Variants in ASTN2 observed in about 807,000 individuals in gnomAD.
The protein encoded by ASTN2 is astrotactin 2, also known as astrotactin-2.
In ASTN2, 54 loss-of-function variants were observed where a neutral mutation model predicts 139.8. The ratio of observed to expected loss-of-function variants is 0.39; its 90% CI spans 0.31 to 0.48. The LOEUF (loss-of-function observed/expected upper bound fraction) is 0.48, where lower values mean the gene tolerates loss of function less well. ASTN2 is among the 20% of genes least tolerant of loss of function. The pLI is 0.95. For synonymous variants in ASTN2, 756 were observed against 719.5 expected (o/e 1.05, Z -0.81); for missense variants, 1,565 against 1,725.1 (o/e 0.91, Z 1.64).
intron 3 of ASTN2, among the ~76,000 whole-genome samples, chr9:117,171,251 T>C (rs1830786321): frequency 6.6e-6 from 1 of 152,186 alleles, no homozygotes; most frequent in Non-Finnish European, 1.5e-5. Context: ...TTTGCAGGTA[T>C]GCAATGCCTC....
chr9:116,641,014 T>C (rs1857300990), intron 17 of ASTN2, among the ~76,000 whole-genome samples: 1 of 152,252 alleles, frequency 6.6e-6, no homozygotes, highest in Admixed American at 6.5e-5. Context: ...GCTGACTCCT[T>C]GGTTTCAGGA....
chr9:116,581,177 A>C (rs1418059065), intron 19 of ASTN2, among the ~76,000 whole-genome samples: 2 of 152,104 alleles, frequency 1.3e-5, no homozygotes, highest in Non-Finnish European at 2.9e-5. Flanking sequence ...AGAGTCAGGG[A>C]AACAAAAAGA....
At chr9:117,103,847 A>C (rs1829039872) in intron 4 of ASTN2, among the ~76,000 whole-genome samples, 1 of 152,206 alleles carries the variant, frequency 6.6e-6, no homozygotes, top group African/African-American at 2.4e-5. Context: ...AGAAGTGGGT[A>C]AACTTCCCAC....
intron 16 of ASTN2, among the ~76,000 whole-genome samples, chr9:116,674,158 C>G (rs180778615): frequency 5.5e-4 from 83 of 152,248 alleles, no homozygotes; most frequent in African/African-American, 1.8e-3. Context: ...AAGATGCTGA[C>G]CCTCCCTAAA....
chr9:117,212,906 C>CAT (rs1303870131), intron 3 of ASTN2, among the ~76,000 whole-genome samples: 1 of 152,086 alleles, frequency 6.6e-6, no homozygotes, highest in Non-Finnish European at 1.5e-5. Context: ...AAAGAACTAC[C>CAT]ATATATCTAG....
chr9:116,869,300 C>T (rs531905677), intron 10 of ASTN2, among the ~76,000 whole-genome samples: 3 of 152,328 alleles, frequency 2.0e-5, no homozygotes, highest in South Asian at 2.1e-4. Context: ...AATAAGGCCA[C>T]GTTCTGAATT....
At chr9:116,793,527 C>A (rs1315326662) in intron 13 of ASTN2, among the ~76,000 whole-genome samples, 2 of 152,178 alleles carry the variant, frequency 1.3e-5, no homozygotes, top group Non-Finnish European at 2.9e-5. Context: ...AACAGTATGG[C>A]TGGCTATCTA....
Position 116,597,299 on chromosome 9 carries a change from A to ATTTTTTTTTTTTTT in ASTN2, c.3355+21011_3355+21024dup, listed in dbSNP as rs757848093. 2.8e-3 allele frequency among the ~76,000 whole-genome samples: 208 copies of ATTTTTTTTTTTTTT among 75,368 alleles called. 19 individuals carry two copies. The highest frequency in any genetic ancestry group is 3.9e-3 in the Non-Finnish European group (159 of 40,812). 49.4% of individuals were successfully genotyped at this position (75,368 alleles called of 152,430 possible). A position where few individuals can be genotyped will look rare whatever the true frequency, so the allele number is the denominator to read the frequency against. ...CAAAATATTCCATGACTTTTGATCT[A>ATTTTTTTTTTTTTT]TTTTTTTTTTTTTTTTTTTTTTTTG... On this transcript the variant is annotated intron_variant, in intron 19 of 22. Coordinates refer to ENST00000313400, the MANE Select transcript of ASTN2 (RefSeq NM_001365068.1).
chr9:117,413,321 A>C (rs1831222129), intron 1 of ASTN2, among the ~76,000 whole-genome samples: 1 of 152,354 alleles, frequency 6.6e-6, no homozygotes, highest in East Asian at 1.9e-4. Flanking sequence ...TCTCACCTGG[A>C]AGGCCCCTCA....
At chr9:117,290,958 T>C (rs75415856) in intron 2 of ASTN2, among the ~76,000 whole-genome samples, 1,641 of 152,308 alleles carry the variant, frequency 0.011, 32 homozygotes, top group African/African-American at 0.037. Flanking sequence ...ATTTTGTTTG[T>C]TCAGTCATTC....
At position 116,686,730 on chromosome 9, in the gene ASTN2, A is replaced by C. The variant is rs1182602634; in HGVS notation, c.2807-34937T>G. On this transcript the variant is annotated intron_variant, in intron 16 of 22. Transcript: ENST00000313400. The stretch of plus-strand genomic sequence containing the variant: ...TGCAGGGACAGGGGCTGCAGAGTGT[A>C]CTCCCCAAGTCTGCCTCTGCTGTCG... 2.6e-6 allele frequency: 4 copies of C among 1,550,204 alleles called. No individual in the cohort carries two copies. The East Asian group carries it at 9.8e-5, about 38-fold the overall frequency.
Position 116,863,575 on chromosome 9 carries a change from G to C in ASTN2, c.2040+8C>G. The C allele has an allele frequency of 6.2e-7, 1 of 1,613,518 alleles. No individual in the cohort carries two copies. The highest frequency in any genetic ancestry group is 1.1e-5 in the South Asian group (1 of 90,978). ...CACTGCCATGTTCCCGGGCCAATGG[G>C]CACTTACCACACATCCCGAGGAATC... On this transcript the variant is annotated splice_region_variant and intron_variant, in intron 11 of 22. Coordinates refer to ENST00000313400, the MANE Select transcript of ASTN2 (RefSeq NM_001365068.1).
intron 11 of ASTN2, among the ~76,000 whole-genome samples, chr9:116,830,073 A>G (rs1013052413): frequency 1.3e-5 from 2 of 152,248 alleles, no homozygotes; most frequent in African/African-American, 2.4e-5. Context: ...AAATATTCAC[A>G]GATTGTGCAC....
At chr9:117,089,291 A>G (rs1390282055) in intron 5 of ASTN2, among the ~76,000 whole-genome samples, 1 of 152,104 alleles carries the variant, frequency 6.6e-6, no homozygotes, top group African/African-American at 2.4e-5. Flanking sequence ...ACATCTCCTG[A>G]CTCTGAGTCC....
At chr9:117,290,984 G>A (rs1323779681) in intron 2 of ASTN2, among the ~76,000 whole-genome samples, 1 of 152,178 alleles carries the variant, frequency 6.6e-6, no homozygotes, top group East Asian at 1.9e-4. Context: ...ATGGCCAGTT[G>A]TATTCTGAAT....
Position 116,729,097 on chromosome 9 carries a change from C to A in ASTN2, c.2522-1G>T. 6.3e-7 allele frequency: 1 copy of A among 1,577,442 alleles called. No individual in the cohort carries two copies. The highest frequency in any genetic ancestry group is 2.3e-5 in the East Asian group (1 of 43,312). ...ATGGCCTCATCATACCTGATATCTC[C>A]TGGGAGAGAAAATAAGATGGTCACG... On this transcript the variant is annotated splice_acceptor_variant, in intron 14 of 22. Transcript: ENST00000313400. LOFTEE classifies it high-confidence loss of function.
intron 10 of ASTN2, among the ~76,000 whole-genome samples, chr9:116,900,737 C>T (rs540870823): frequency 1.3e-5 from 2 of 152,208 alleles, no homozygotes; most frequent in East Asian, 3.9e-4. Context: ...TTCCTCCCTC[C>T]CTTCTCCATC....
At chr9:117,368,959 G>A (rs1250571551) in intron 1 of ASTN2, among the ~76,000 whole-genome samples, 2 of 151,988 alleles carry the variant, frequency 1.3e-5, no homozygotes, top group African/African-American at 4.8e-5. Context: ...AGTAAAACGG[G>A]GTAAATTGAT....
intron 6 of ASTN2, among the ~76,000 whole-genome samples, chr9:117,016,659 C>A (rs1275975898): frequency 0.068 from 807 of 11,866 alleles, 120 homozygotes; most frequent in African/African-American, 0.12. Flanking sequence ...TATATATAAC[C>A]TATATATATG....
Sources: gnomAD v4.1 joint callset for allele counts (sites outside exome capture counted in the v4.1 genomes callset) on GRCh38, gnomAD v4.1.1 for gene constraint, MANE v1.5 for transcripts, NCBI Gene and HGNC (gene_info 2026-07-23, HGNC 2026-07-21) for gene names.